CLASP1: variants seen among roughly 807,000 people sequenced by gnomAD.
CLASP1 encodes CLIP-associating protein 1.
A neutral mutation model predicts 192.3 loss-of-function variants in CLASP1; 38 were observed. That is an observed-to-expected ratio of 0.20 (90% confidence interval 0.15 to 0.26). The LOEUF is 0.26. Among genes scored for constraint, CLASP1 ranks in the 10% least tolerant of loss-of-function variants. The pLI, the probability that CLASP1 is intolerant of heterozygous loss-of-function variation, is 1.00. For missense variants in CLASP1, 1,433 were observed against 1,932.5 expected (o/e 0.74, Z 4.85); for synonymous variants, 691 against 712.8 (o/e 0.97, Z 0.49).
At chr2:121,373,090 T>C (rs375624775) in intron 34 of CLASP1, among the ~76,000 whole-genome samples, 3 of 152,238 alleles carry the variant, frequency 2.0e-5, no homozygotes, top group African/African-American at 7.2e-5. Flanking sequence ...AATTGCAATT[T>C]CCAATGTTCG....
rs187194983 is a variant in CLASP1 at position 121,578,856 on chromosome 2, A to C, written c.195+26845T>G. On this transcript the variant is annotated intron_variant, in intron 2 of 39. Transcript: ENST00000263710. The stretch of plus-strand genomic sequence containing the variant: ...GAGGAATTAAAAACACACACACACA[A>C]AAAAAAACTTCACTCTGTAAGTCTA... Among the ~76,000 whole-genome samples the C allele has an allele frequency of 1.4e-3, 214 of 152,200 alleles. 3 individuals are homozygous for C. Among genetic ancestry groups the C allele is most frequent in the East Asian group, 0.014 (70 of 5,182 alleles).
intron 8 of CLASP1, among the ~76,000 whole-genome samples, chr2:121,501,166 G>A (rs1383790893): frequency 6.6e-6 from 1 of 152,146 alleles, no homozygotes; most frequent in Non-Finnish European, 1.5e-5. Context: ...CTGTCATACT[G>A]GCTTATGAAG....
intron 24 of CLASP1, among the ~76,000 whole-genome samples, chr2:121,410,142 G>A (rs576226169): frequency 2.0e-5 from 3 of 152,192 alleles, no homozygotes; most frequent in Non-Finnish European, 4.4e-5. Context: ...TGATCAGACA[G>A]TTCTAAAGAA....
intron 30 of CLASP1, among the ~76,000 whole-genome samples, chr2:121,396,412 T>A (rs938730460): frequency 6.6e-6 from 1 of 152,260 alleles, no homozygotes; most frequent in African/African-American, 2.4e-5. Flanking sequence ...ACGTTCTATT[T>A]ATATTTGGCT....
chr2:121,477,813 T>C (rs2091826552), intron 8 of CLASP1, among the ~76,000 whole-genome samples: 1 of 152,198 alleles, frequency 6.6e-6, no homozygotes, highest in African/African-American at 2.4e-5. Flanking sequence ...ACTAATAGAA[T>C]CACAGCACAC....
At position 121,443,820 on chromosome 2, in the gene CLASP1, G is replaced by C. The variant is rs1007708744; in HGVS notation, c.1912+3517C>G. ...GATAAATTTAAGAAACACTGCTCTT[G>C]GGATCATGTTCACCTTCAAAAAAAA... is the stretch of plus-strand genomic sequence containing the variant. On this transcript the variant is annotated intron_variant, in intron 19 of 39. Coordinates refer to ENST00000263710, the Ensembl canonical transcript of CLASP1. Among the ~76,000 whole-genome samples the C allele has an allele frequency of 5.9e-5, 9 of 151,984 alleles. 1 individual carries two copies. Among genetic ancestry groups the C allele is most frequent in the Admixed American group, 3.3e-4 (5 of 15,254 alleles).
chr2:121,416,852 T>C (rs1158445716), intron 23 of CLASP1, among the ~76,000 whole-genome samples: 5 of 152,212 alleles, frequency 3.3e-5, no homozygotes, highest in Non-Finnish European at 7.3e-5. Flanking sequence ...TGATAATACC[T>C]GTCCCAGAGG....
intron 1 of CLASP1, among the ~76,000 whole-genome samples, chr2:121,623,308 T>C (rs1314112237): frequency 6.6e-6 from 1 of 152,248 alleles, no homozygotes; most frequent in African/African-American, 2.4e-5. Flanking sequence ...GTTGGTCTTG[T>C]CTTTTATTCT....
At chr2:121,638,880 G>T (rs1482247717) in intron 1 of CLASP1, among the ~76,000 whole-genome samples, 2 of 152,044 alleles carry the variant, frequency 1.3e-5, no homozygotes, top group East Asian at 3.9e-4. Context: ...TGTTGGTCAG[G>T]CTGGTCTTGA....
intron 8 of CLASP1, among the ~76,000 whole-genome samples, chr2:121,478,541 C>A (rs2091927377): frequency 6.6e-6 from 1 of 150,908 alleles, no homozygotes; most frequent in South Asian, 2.1e-4. Flanking sequence ...GGGGAGGTTG[C>A]AGTGAGCTGA....
chr2:121,445,417 C>A, intron 19 of CLASP1: 1 of 1,276,178 alleles, frequency 7.8e-7, no homozygotes, highest in Non-Finnish European at 1.0e-6. Context: ...CCCAACTACA[C>A]GTCCAGCAGC....
chr2:121,471,106 G>A (rs1248189692), intron 8 of CLASP1, among the ~76,000 whole-genome samples: 1 of 152,154 alleles, frequency 6.6e-6, no homozygotes, highest in African/African-American at 2.4e-5. Context: ...AACATAGCAA[G>A]ATCCTGTCTC....
intron 2 of CLASP1, among the ~76,000 whole-genome samples, chr2:121,593,626 C>CAAAA (rs61315745): frequency 0.18 from 9,264 of 50,168 alleles, 698 homozygotes; most frequent in African/African-American, 0.35. Context: ...AACTCCGTCT[C>CAAAA]AAAAAAAAAA....
At chr2:121,471,077 G>A (rs1296621356) in intron 8 of CLASP1, among the ~76,000 whole-genome samples, 1 of 152,158 alleles carries the variant, frequency 6.6e-6, no homozygotes, top group Admixed American at 6.5e-5. Flanking sequence ...GAGGCCAGGA[G>A]TTCAAGACCA....
At chr2:121,426,772 G>GATAC (rs2080465297) in intron 21 of CLASP1, among the ~76,000 whole-genome samples, 1 of 152,064 alleles carries the variant, frequency 6.6e-6, no homozygotes, top group African/African-American at 2.4e-5. Context: ...TAAGTAGCTA[G>GATAC]ATACATATAT....
chr2:121,426,942 C>CTAGA (rs777604846), intron 21 of CLASP1, among the ~76,000 whole-genome samples: 2 of 151,876 alleles, frequency 1.3e-5, no homozygotes, highest in Non-Finnish European at 2.9e-5. Context: ...TTACTATGTA[C>CTAGA]TAGAATAGAA....
intron 9 of CLASP1, among the ~76,000 whole-genome samples, chr2:121,464,085 C>A (rs1440617077): frequency 2.7e-5 from 4 of 147,862 alleles, no homozygotes; most frequent in Admixed American, 7.0e-5. Flanking sequence ...TATGAGTGAG[C>A]ATATGCGGTG....
chr2:121,557,852 G>A (rs1334051959), intron 2 of CLASP1, among the ~76,000 whole-genome samples: 1 of 151,842 alleles, frequency 6.6e-6, no homozygotes, highest in African/African-American at 2.4e-5. Context: ...GGAGGCCAAG[G>A]TGGGTGGATC....
chr2:121,427,351 G>A (rs1329861128), intron 21 of CLASP1, 53 bp downstream of exon 21: 4 of 1,597,168 alleles, frequency 2.5e-6, no homozygotes, highest in East Asian at 2.2e-5. Flanking sequence ...TGGGGTCGGG[G>A]AGAATGCCAA....
Sources: allele counts gnomAD v4.1 joint callset (sites outside exome capture counted in the v4.1 genomes callset), GRCh38; gene constraint gnomAD v4.1.1; transcripts MANE v1.5; gene names NCBI Gene and HGNC (gene_info 2026-07-23, HGNC 2026-07-21).